The following CARD10 variants were observed in gnomAD, a reference collection of about 807,000 sequenced individuals.
The protein encoded by CARD10 is caspase recruitment domain-containing protein 10.
CARD10 carries 49 observed loss-of-function variants against 114.6 expected under a neutral mutation model. The observed-to-expected ratio is 0.43, with a 90% CI of 0.34 to 0.54. The LOEUF is 0.54. CARD10 is among the 20% of genes least tolerant of loss of function. CARD10 has a pLI of 0.03. For missense variants in CARD10, 1,206 were observed against 1,397.2 expected (o/e 0.86, Z 2.18); for synonymous variants, 602 against 593.2 (o/e 1.01, Z -0.21).
chr22:37,491,735 G>C lies in CARD10; in HGVS notation c.2864+20C>G. ...CTCAGGTCCGAGTGCCCTGCCCACT[G>C]CCCCACCCACCCACCTCACCTGACT... On this transcript the variant is annotated intron_variant, in intron 19 of 19. Coordinates refer to ENST00000251973, the MANE Select transcript of CARD10 (RefSeq NM_014550.4). 1 of 1,194,268 alleles carries C rather than the reference G, an allele frequency of 8.4e-7. No homozygotes were observed. Among genetic ancestry groups the C allele is most frequent in the Non-Finnish European group, 1.2e-6 (1 of 807,164 alleles). 74.0% of individuals were successfully genotyped at this position (1,194,268 alleles called of 1,614,324 possible).
intron 1 of CARD10, among the ~76,000 whole-genome samples, chr22:37,518,678 C>T (rs1276052787): frequency 1.3e-5 from 2 of 152,240 alleles, no homozygotes; most frequent in Non-Finnish European, 2.9e-5. Context: ...CAGGCCCAGC[C>T]GGCCCTGGCA....
At chr22:37,513,032 A>C (rs1297159759) in intron 3 of CARD10, among the ~76,000 whole-genome samples, 1 of 152,226 alleles carries the variant, frequency 6.6e-6, no homozygotes, top group Non-Finnish European at 1.5e-5. Context: ...CACCTTTGTT[A>C]ATTTTGGAGC....
intron 3 of CARD10, among the ~76,000 whole-genome samples, chr22:37,515,369 C>T (rs983760188): frequency 2.0e-5 from 3 of 152,024 alleles, no homozygotes; most frequent in African/African-American, 7.2e-5. Context: ...TCGAGACCAG[C>T]CGGGTCAACA....
At chr22:37,494,826 G>C (rs1179265419) in intron 15 of CARD10, among the ~76,000 whole-genome samples, 2 of 152,238 alleles carry the variant, frequency 1.3e-5, no homozygotes, top group Admixed American at 6.5e-5. Context: ...GTCGAATGCA[G>C]GCTGCCTGGC....
In CARD10 at chr22:37,492,919, T is replaced by C; in HGVS notation, c.2477-117A>G. On this transcript the variant is annotated intron_variant, in intron 16 of 19. Transcript: ENST00000251973. This position sits in a 1 kb window ranked among gnomAD's most constrained non-coding sequence, Gnocchi z 5.7. The stretch of plus-strand genomic sequence containing the variant: ...CCTTCCTAAGTCCTGCTGCTGCTCC[T>C]CCTACACATGCACACACACACACCC... 1 of 1,059,708 alleles carries C rather than the reference T, an allele frequency of 9.4e-7. No homozygotes were observed. Among genetic ancestry groups the C allele is most frequent in the South Asian group, 1.5e-5 (1 of 64,658 alleles). 65.6% of individuals were successfully genotyped at this position (1,059,708 alleles called of 1,614,324 possible). A position where few individuals can be genotyped will look rare whatever the true frequency, so the allele number is the denominator to read the frequency against.
In CARD10 at chr22:37,495,741, G is replaced by A; in HGVS notation, c.2303+19C>T. 2 of 1,613,272 alleles carry A rather than the reference G, an allele frequency of 1.2e-6. No individual in the cohort carries two copies. Among genetic ancestry groups the A allele is most frequent in the South Asian group, 1.1e-5 (1 of 91,084 alleles). On this transcript the variant is annotated intron_variant, in intron 14 of 19. Transcript: ENST00000251973. ...GGCTCCCAGGGGGACCCCATCCCCA[G>A]CTCCTGGCTCTGCGTCACCTCTGAT...
chr22:37,515,563 CAAAAAAAAAAA>C (rs754752709), intron 3 of CARD10, among the ~76,000 whole-genome samples: 1 of 73,682 alleles, frequency 1.4e-5, no homozygotes, highest in African/African-American at 4.5e-5. Context: ...GACTCCATCT[CAAAAAAAAAAA>C]AAAAAAAAAC....
Position 37,516,250 on chromosome 22 carries a change from CG to C in CARD10, c.421del (p.Arg141AspfsTer68). 6.2e-7 allele frequency: 1 copy of C among 1,605,514 alleles called. No individual in the cohort carries two copies. The highest frequency in any genetic ancestry group is 8.5e-7 in the Non-Finnish European group (1 of 1,177,036). On this transcript the variant is annotated frameshift_variant, in exon 3 of 20. Transcript: ENST00000251973. LOFTEE classifies it high-confidence loss of function. ...GCTCTTGCGAGCTTCCCGCAGCCGT[CG>C]CACCTCTGTCATCAAGAATTGGGTC... ...GLTQFLMTEV[R>X]RLREARKSQL...
In CARD10 at chr22:37,495,616, G is replaced by A. The variant is rs1195290192; in HGVS notation, c.2304-30C>T. On this transcript the variant is annotated intron_variant, in intron 14 of 19. Coordinates refer to ENST00000251973, the MANE Select transcript of CARD10 (RefSeq NM_014550.4). ...GGGAGGGAGTGACATCATGTGTGTA[G>A]AAAGAAGGAAAGCTCCTCATTTCTC... 4 of 1,612,412 alleles carry A rather than the reference G, an allele frequency of 2.5e-6. No homozygotes were observed. The Admixed American group carries it at 5.0e-5, about 20-fold the overall frequency.
At chr22:37,502,475 T>C (rs866777562) in intron 11 of CARD10, 127 bp downstream of exon 11, 24 of 1,084,266 alleles carry the variant, frequency 2.2e-5, no homozygotes, top group Middle Eastern at 6.3e-4. Context: ...GGGCTGCCAG[T>C]GTCTACAGAT....
chr22:37,502,754 C>A, intron 10 of CARD10, 29 bp from the exon 11 acceptor site: 1 of 1,606,116 alleles, frequency 6.2e-7, no homozygotes, highest in Non-Finnish European at 8.5e-7. Flanking sequence ...GTTCAGGGAT[C>A]TGGCACTGGG....
At chr22:37,498,438 G>A (rs1430349499) in intron 11 of CARD10, among the ~76,000 whole-genome samples, 3 of 152,208 alleles carry the variant, frequency 2.0e-5, no homozygotes, top group African/African-American at 7.2e-5. Flanking sequence ...GAGGAGGTGG[G>A]GAGACCAAGG....
At position 37,513,520 on chromosome 22, in the gene CARD10, CCT is replaced by C. The variant is rs1313123291; in HGVS notation, c.699+2451_699+2452del. Reference sequence around the variant, plus strand: ...GACCATCTCTTTTCCATCCCCCTCCCCTGTCCCAGCAGCCCCCAGATGGCCAC... The same window carrying C: ...GACCATCTCTTTTCCATCCCCCTCCCGTCCCAGCAGCCCCCAGATGGCCAC... On this transcript the variant is annotated intron_variant, in intron 3 of 19. Coordinates refer to ENST00000251973, the MANE Select transcript of CARD10 (RefSeq NM_014550.4). Among the ~76,000 whole-genome samples the C allele has an allele frequency of 5.3e-5, 8 of 152,254 alleles. No individual in the cohort carries two copies. The East Asian group carries it at 1.2e-3, about 22-fold the overall frequency.
rs748352593 is a variant in CARD10 at position 37,491,775 on chromosome 22, C to T, written c.2844G>A (p.Glu948=). 3.8e-5 allele frequency: 40 copies of T among 1,050,934 alleles called. No homozygotes were observed. Among genetic ancestry groups the T allele is most frequent in the Non-Finnish European group, 5.2e-5 (38 of 737,710 alleles). The allele number at this position is 1,050,934 out of a possible 1,614,324, so 65.1% of individuals were successfully genotyped here. A position where few individuals can be genotyped will look rare whatever the true frequency, so the allele number is the denominator to read the frequency against. ...CTCACCTGACTTCCCGGACATTCTT[C>T]TCAGTCACCTCCACGTGGATGACGA... ...YPIVIHVEVT[E]KNVREVRGLL... The change falls in exon 19 of 20, where the codon GAG becomes GAA. Residue 948 remains glutamate, a synonymous_variant. Coordinates refer to ENST00000251973, the MANE Select transcript of CARD10 (RefSeq NM_014550.4).
chr22:37,493,348 CT>C (rs1365683847), intron 16 of CARD10, among the ~76,000 whole-genome samples: 1 of 152,230 alleles, frequency 6.6e-6, no homozygotes, highest in Non-Finnish European at 1.5e-5. Flanking sequence ...ATCAGGGCCC[CT>C]GGCATGTGCC....
intron 16 of CARD10, 92 bp downstream of exon 16, chr22:37,493,994 A>G: frequency 1.0e-6 from 1 of 995,366 alleles, no homozygotes; most frequent in Admixed American, 2.0e-5. Flanking sequence ...CTTCCAGGCC[A>G]AAGAGGCCAC....
At chr22:37,491,433 C>CGCTTTG in intron 19 of CARD10, 40 bp from the exon 20 acceptor site, 1 of 1,373,696 alleles carries the variant, frequency 7.3e-7, no homozygotes. Context: ...AGTGGGGGAC[C>CGCTTTG]AAGACAGACA....
Position 37,509,146 on chromosome 22 carries a change from G to C in CARD10, c.910-464C>G, listed in dbSNP as rs931226190. The C allele has an allele frequency of 3.6e-5, 53 of 1,480,788 alleles. No individual in the cohort carries two copies. The Admixed American group carries it at 1.2e-3, about 33-fold the overall frequency. The allele number at this position is 1,480,788 out of a possible 1,614,324, so 91.7% of individuals were successfully genotyped here. On this transcript the variant is annotated intron_variant, in intron 4 of 19. Coordinates refer to ENST00000251973, the MANE Select transcript of CARD10 (RefSeq NM_014550.4). The stretch of plus-strand genomic sequence containing the variant: ...GCCCCCAGACCCACACCCCAGCCAA[G>C]TGCCCCAACCCCATGAAACACACTG...
intron 4 of CARD10, chr22:37,509,030 C>A: frequency 6.5e-7 from 1 of 1,550,162 alleles, no homozygotes; most frequent in African/African-American, 1.4e-5. Context: ...CAGACGGAGG[C>A]CATTCCCAAG....
Sources: allele counts gnomAD v4.1 joint callset (sites outside exome capture counted in the v4.1 genomes callset), GRCh38; gene constraint gnomAD v4.1.1; non-coding constraint Gnocchi (gnomAD v3.1); transcripts MANE v1.5; gene names NCBI Gene and HGNC (gene_info 2026-07-23, HGNC 2026-07-21).